Variants in GPR39 observed in about 807,000 individuals in gnomAD.
The protein encoded by GPR39 is zinc sensing receptor.
In GPR39, 23 loss-of-function variants were observed where a neutral mutation model predicts 18.4. The ratio of observed to expected loss-of-function variants is 1.25; its 90% CI spans 0.90 to 1.77. GPR39 has a LOEUF of 1.77. Ranked by LOEUF, GPR39 falls within the 40% of genes most tolerant of loss-of-function variation. The pLI is 0.00. For synonymous variants in GPR39, 280 were observed against 257.9 expected, an observed-to-expected ratio of 1.09 and a Z score of -0.82; for missense variants, 647 against 602.4, an observed-to-expected ratio of 1.07 and a Z score of -0.78.
chr2:132,476,716 A>AAGTGAGGTAG (rs1311207588), intron 1 of GPR39, among the ~76,000 whole-genome samples: 3 of 151,666 alleles, frequency 2.0e-5, no homozygotes. Flanking sequence ...CGGGAAAAGG[A>AAGTGAGGTAG]AGTGAGGTAG....
chr2:132,610,822 C>T (rs1336524637), intron 1 of GPR39, among the ~76,000 whole-genome samples: 2 of 151,316 alleles, frequency 1.3e-5, no homozygotes, highest in Admixed American at 6.6e-5. Flanking sequence ...AGGATCTTTC[C>T]ACCTTGGAGC....
chr2:132,579,064 T>G (rs1680579571), intron 1 of GPR39, among the ~76,000 whole-genome samples: 1 of 151,906 alleles, frequency 6.6e-6, no homozygotes. Flanking sequence ...ATTATTGATT[T>G]GAGACTCTTC....
chr2:132,619,331 GC>G (rs1471484938), intron 1 of GPR39, among the ~76,000 whole-genome samples: 1 of 152,162 alleles, frequency 6.6e-6, no homozygotes, highest in Non-Finnish European at 1.5e-5. Context: ...ATGGGTAAGG[GC>G]CCTCGCAACA....
intron 1 of GPR39, among the ~76,000 whole-genome samples, chr2:132,587,392 T>C (rs1292120700): frequency 1.3e-5 from 2 of 152,256 alleles, no homozygotes; most frequent in Non-Finnish European, 2.9e-5. Flanking sequence ...AAAGAACAAC[T>C]GCCTCTTGGA....
chr2:132,603,294 A>G lies in GPR39; in HGVS notation c.857-41807A>G, dbSNP rs192752123. 4.3e-3 allele frequency among the ~76,000 whole-genome samples: 648 copies of G among 152,342 alleles called. 4 individuals are homozygous for G. The highest frequency in any genetic ancestry group is 6.7e-3 in the Non-Finnish European group (455 of 68,030). On this transcript the variant is annotated intron_variant, in intron 1 of 1. Transcript: ENST00000329321. ...TCGGGCACAGAAAACCAAGTACCAC[A>G]TGTTCTCACTCATGTGGGAGATAAA...
chr2:132,547,229 T>A (rs1679966007), intron 1 of GPR39, among the ~76,000 whole-genome samples: 1 of 152,180 alleles, frequency 6.6e-6, no homozygotes, highest in Non-Finnish European at 1.5e-5. Flanking sequence ...GATAAGTAAT[T>A]GAAATTTGCA....
At chr2:132,524,877 C>T (rs72983623) in intron 1 of GPR39, among the ~76,000 whole-genome samples, 6,268 of 152,240 alleles carry the variant, frequency 0.041, 185 homozygotes, top group South Asian at 0.11. Flanking sequence ...ATTACAAGTA[C>T]AGTCTTCTTT....
intron 1 of GPR39, among the ~76,000 whole-genome samples, chr2:132,627,268 A>G (rs1243130194): frequency 1.1e-4 from 16 of 152,182 alleles, no homozygotes; most frequent in Admixed American, 9.2e-4. Context: ...TGTCAGGGAC[A>G]ATGGCTCCCC....
At chr2:132,626,754 C>A (rs1681551114) in intron 1 of GPR39, among the ~76,000 whole-genome samples, 1 of 152,134 alleles carries the variant, frequency 6.6e-6, no homozygotes, top group Non-Finnish European at 1.5e-5. Flanking sequence ...GGAGGCTGAA[C>A]AACCTCCCCG....
At chr2:132,540,295 A>G (rs187173587) in intron 1 of GPR39, among the ~76,000 whole-genome samples, 1 of 152,286 alleles carries the variant, frequency 6.6e-6, no homozygotes, top group Admixed American at 6.5e-5. Flanking sequence ...GAGAACAGGA[A>G]GGCAGCATGA....
chr2:132,558,108 T>C (rs563579848), intron 1 of GPR39, among the ~76,000 whole-genome samples: 1 of 152,196 alleles, frequency 6.6e-6, no homozygotes, highest in African/African-American at 2.4e-5. Context: ...GCTGATCCAG[T>C]GCAATAATAA....
At chr2:132,513,313 A>T (rs1018806254) in intron 1 of GPR39, among the ~76,000 whole-genome samples, 2 of 152,214 alleles carry the variant, frequency 1.3e-5, no homozygotes. Context: ...AATACAAAAA[A>T]TTAGCCGGGC....
At chr2:132,522,528 C>T (rs1395883652) in intron 1 of GPR39, among the ~76,000 whole-genome samples, 7 of 152,104 alleles carry the variant, frequency 4.6e-5, no homozygotes, top group African/African-American at 1.4e-4. Context: ...TTACAATTAC[C>T]GTTTATGAAG....
At chr2:132,496,596 C>T (rs1429009062) in intron 1 of GPR39, among the ~76,000 whole-genome samples, 1 of 152,208 alleles carries the variant, frequency 6.6e-6, no homozygotes, top group Non-Finnish European at 1.5e-5. Flanking sequence ...CTCCACCATC[C>T]CTTTTACCAA....
Position 132,645,907 on chromosome 2 carries a change from C to A in GPR39, c.*301C>A. 1.4e-6 allele frequency: 1 copy of A among 696,372 alleles called. No homozygotes were observed. The highest frequency in any genetic ancestry group is 4.1e-4 in the Middle Eastern group (1 of 2,426). 43.1% of individuals were successfully genotyped at this position (696,372 alleles called of 1,614,324 possible). On this transcript the variant is annotated 3_prime_UTR_variant, in exon 2 of 2. Transcript: ENST00000329321. ...TTACCGAGCTCTTTCATTATTTGCA[C>A]AGGAACAAAAGAGAACACGGACTCC...
At chr2:132,643,061 T>TG (rs1457476615) in intron 1 of GPR39, among the ~76,000 whole-genome samples, 4 of 152,162 alleles carry the variant, frequency 2.6e-5, no homozygotes, top group East Asian at 3.8e-4. Flanking sequence ...CTCCTCGAAG[T>TG]GGGAGAAAAG....
intron 1 of GPR39, among the ~76,000 whole-genome samples, chr2:132,562,660 A>G (rs1336043666): frequency 1.3e-5 from 2 of 152,164 alleles, no homozygotes; most frequent in African/African-American, 4.8e-5. Context: ...CAGTGCTGTC[A>G]CCACCAAGAG....
chr2:132,454,634 T>G (rs544916742), intron 1 of GPR39, among the ~76,000 whole-genome samples: 1 of 152,320 alleles, frequency 6.6e-6, no homozygotes, highest in South Asian at 2.1e-4. Flanking sequence ...TAAATAGCTC[T>G]TATTATTTTG....
chr2:132,493,592 G>A (rs1406109445), intron 1 of GPR39, among the ~76,000 whole-genome samples: 1 of 150,776 alleles, frequency 6.6e-6, no homozygotes, highest in Non-Finnish European at 1.5e-5. Flanking sequence ...GAGAGAGAAG[G>A]AGAAGTTCAT....
Sources: allele counts gnomAD v4.1 joint callset (sites outside exome capture counted in the v4.1 genomes callset), GRCh38; gene constraint gnomAD v4.1.1; transcripts MANE v1.5; gene names NCBI Gene and HGNC (gene_info 2026-07-23, HGNC 2026-07-21).